Variants in EPHA7 observed in about 807,000 individuals in gnomAD.
The protein encoded by EPHA7 is EPH receptor A7, also known as ephrin type-A receptor 7.
In EPHA7, 25 loss-of-function variants were observed where a neutral mutation model predicts 112.6. The observed-to-expected ratio is 0.22, with a 90% confidence interval of 0.16 to 0.31. The LOEUF (loss-of-function observed/expected upper bound fraction) is 0.31, where lower values mean the gene tolerates loss of function less well. EPHA7 is among the 10% of genes least tolerant of loss of function. The pLI, the probability that EPHA7 is intolerant of heterozygous loss-of-function variation, is 1.00. For synonymous variants in EPHA7, 437 were observed against 406.5 expected, an observed-to-expected ratio of 1.07 and a Z score of -0.90; for missense variants, 962 against 1,212.6, an observed-to-expected ratio of 0.79 and a Z score of 3.07.
At chr6:93,398,659 C>T (rs1378475954) in intron 3 of EPHA7, among the ~76,000 whole-genome samples, 4 of 151,744 alleles carry the variant, frequency 2.6e-5, no homozygotes, top group Non-Finnish European at 5.9e-5. Flanking sequence ...AAGGATGAGG[C>T]ATATTAGAGG....
chr6:93,282,474 G>A (rs895495779), intron 5 of EPHA7, among the ~76,000 whole-genome samples: 1 of 152,228 alleles, frequency 6.6e-6, no homozygotes, highest in Non-Finnish European at 1.5e-5. Flanking sequence ...AATGAGAGGT[G>A]ACAGCATGCT....
At position 93,258,246 on chromosome 6, in the gene EPHA7, G is replaced by C. The variant is rs768474651; in HGVS notation, c.1963C>G (p.Pro655Ala). 11 of 1,610,990 alleles carry C rather than the reference G, an allele frequency of 6.8e-6. No individual in the cohort carries two copies. The highest frequency in any genetic ancestry group is 4.4e-5 in the South Asian group (4 of 90,274). ...GCTACTGCAACATCTCTTTTCCCTG[G>C]AAGTTTCAAACGGCCACTGCAGACT... ...GEVCSGRLKL[P>A]GKRDVAVAIK... Residue 655 changes from proline to alanine, a missense_variant, in exon 11 of 17, where the codon CCA (proline) becomes GCA (alanine). Physicochemically the swap from Pro to Ala is conservative, Grantham distance 27. This residue lies in a region of EPHA7 where 746 missense variants were observed against 889.2 expected (regional missense o/e 0.84). Coordinates refer to ENST00000369303, the MANE Select transcript of EPHA7 (RefSeq NM_004440.4).
At chr6:93,360,605 C>T (rs1361548801) in intron 3 of EPHA7, among the ~76,000 whole-genome samples, 1 of 152,046 alleles carries the variant, frequency 6.6e-6, no homozygotes, top group Non-Finnish European at 1.5e-5. Flanking sequence ...CAAATAAAAG[C>T]CTCTAAATAA....
chr6:93,325,928 A>T (rs961805856), intron 5 of EPHA7, among the ~76,000 whole-genome samples: 3 of 151,412 alleles, frequency 2.0e-5, no homozygotes, highest in Non-Finnish European at 4.4e-5. Context: ...GGCTCAAGAT[A>T]GATGTAGTGC....
At chr6:93,334,686 G>A (rs913645510) in intron 5 of EPHA7, among the ~76,000 whole-genome samples, 2 of 152,036 alleles carry the variant, frequency 1.3e-5, no homozygotes, top group African/African-American at 2.4e-5. Context: ...TTCTGCTACT[G>A]TGCATAGAAA....
At chr6:93,385,382 A>C (rs1777548884) in intron 3 of EPHA7, among the ~76,000 whole-genome samples, 1 of 152,178 alleles carries the variant, frequency 6.6e-6, no homozygotes, top group African/African-American at 2.4e-5. Context: ...AAGGAATAAT[A>C]AAAATCAAAC....
chr6:93,272,260 A>G (rs754213038), intron 6 of EPHA7, 38 bp downstream of exon 6: 2 of 1,608,664 alleles, frequency 1.2e-6, no homozygotes, highest in South Asian at 1.1e-5. Flanking sequence ...CATGAGACAC[A>G]CAGCACATTG....
At chr6:93,303,604 G>T (rs951762511) in intron 5 of EPHA7, among the ~76,000 whole-genome samples, 16 of 152,018 alleles carry the variant, frequency 1.1e-4, no homozygotes, top group Non-Finnish European at 8.8e-5. Context: ...AAACAACATG[G>T]AAATAAATTA....
rs1770514939 is a variant in EPHA7 at position 93,258,018 on chromosome 6, ATTTG to A, written c.2110+77_2110+80del. ...TTTAGACTGTGCAACATATTTCATA[ATTTG>A]TTTTATTGTGTACATAATAATACTA... On this transcript the variant is annotated intron_variant, in intron 11 of 16. Coordinates refer to ENST00000369303, the MANE Select transcript of EPHA7 (RefSeq NM_004440.4). 3.9e-6 allele frequency: 5 copies of A among 1,296,254 alleles called. No individual in the cohort carries two copies. In the Middle Eastern group the frequency reaches 7.4e-4, roughly 192 times the overall value. The allele number at this position is 1,296,254 out of a possible 1,614,324, so 80.3% of individuals were successfully genotyped here.
chr6:93,364,063 A>T (rs1776383492), intron 3 of EPHA7, among the ~76,000 whole-genome samples: 1 of 152,212 alleles, frequency 6.6e-6, no homozygotes, highest in African/African-American at 2.4e-5. Flanking sequence ...ATGGCATTTG[A>T]CTGTTGATAG....
chr6:93,247,393 A>G (rs1365015088), intron 14 of EPHA7, among the ~76,000 whole-genome samples: 2 of 152,252 alleles, frequency 1.3e-5, no homozygotes, highest in South Asian at 2.1e-4. Context: ...GAATGAGCCA[A>G]AATGATTCAC....
rs543844365 is a variant in EPHA7, at chr6:93,412,133, G to A, written c.163-963C>T. 1.1e-4 allele frequency among the ~76,000 whole-genome samples: 16 copies of A among 151,834 alleles called. No homozygotes were observed. The South Asian group carries it at 1.7e-3, about 16-fold the overall frequency. On this transcript the variant is annotated intron_variant, in intron 2 of 16. Coordinates refer to ENST00000369303, the MANE Select transcript of EPHA7 (RefSeq NM_004440.4). Reference sequence around the variant, plus strand: ...CCTAAATGAATGGTTTGTTTTCTTCGTACAATTATTAATAATTTTCCCACT... The same window carrying A: ...CCTAAATGAATGGTTTGTTTTCTTCATACAATTATTAATAATTTTCCCACT...
chr6:93,407,304 A>C (rs1199083239), intron 3 of EPHA7, among the ~76,000 whole-genome samples: 1 of 152,022 alleles, frequency 6.6e-6, no homozygotes, highest in Non-Finnish European at 1.5e-5. Flanking sequence ...TCTCCCAAAC[A>C]CATTAGTTTT....
chr6:93,324,056 T>G (rs947424633), intron 5 of EPHA7, among the ~76,000 whole-genome samples: 1 of 151,444 alleles, frequency 6.6e-6, no homozygotes, highest in African/African-American at 2.4e-5. Context: ...CAGACTCTTT[T>G]GAGCACAACA....
intron 14 of EPHA7, among the ~76,000 whole-genome samples, chr6:93,248,277 G>C (rs1261637551): frequency 6.6e-6 from 1 of 151,880 alleles, no homozygotes; most frequent in Non-Finnish European, 1.5e-5. Context: ...AAAGGTTGTA[G>C]GATAGGATGT....
intron 5 of EPHA7, among the ~76,000 whole-genome samples, chr6:93,343,394 C>G (rs1010368556): frequency 6.6e-6 from 1 of 151,586 alleles, no homozygotes; most frequent in Non-Finnish European, 1.5e-5. Context: ...AATTCAAAGT[C>G]AAACACATGA....
At chr6:93,330,495 A>G (rs1278134722) in intron 5 of EPHA7, among the ~76,000 whole-genome samples, 1 of 151,250 alleles carries the variant, frequency 6.6e-6, no homozygotes, top group Non-Finnish European at 1.5e-5. Flanking sequence ...CTTCTATTAA[A>G]GATTTTAGCC....
At chr6:93,352,614 C>A (rs1191661614) in intron 5 of EPHA7, among the ~76,000 whole-genome samples, 1 of 152,016 alleles carries the variant, frequency 6.6e-6, no homozygotes, top group Non-Finnish European at 1.5e-5. Context: ...AAGAAGAGAA[C>A]CATTCTTTAC....
At chr6:93,405,809 GTGTGTA>G (rs1253573408) in intron 3 of EPHA7, among the ~76,000 whole-genome samples, 46 of 61,600 alleles carry the variant, frequency 7.5e-4, no homozygotes, top group African/African-American at 3.7e-3. Flanking sequence ...GTGTGTGTGT[GTGTGTA>G]TATATATATA....
Sources: gnomAD v4.1 joint callset for allele counts (sites outside exome capture counted in the v4.1 genomes callset) on GRCh38, gnomAD v4.1.1 for gene constraint, gnomAD v4.1.1 regional missense constraint, MANE v1.5 for transcripts, NCBI Gene and HGNC (gene_info 2026-07-23, HGNC 2026-07-21) for gene names.